The following CRPPA variants were observed in gnomAD, a reference collection of about 807,000 sequenced individuals.
CRPPA encodes the protein CDP-L-ribitol pyrophosphorylase A, also known as D-ribitol-5-phosphate cytidylyltransferase.
CRPPA carries 43 observed loss-of-function variants against 52.0 expected under a neutral mutation model. The observed-to-expected ratio is 0.83, with a 90% CI of 0.65 to 1.07. CRPPA has a LOEUF of 1.07. Among genes scored for constraint, CRPPA ranks in the 50% least tolerant of loss-of-function variants. The probability of loss-of-function intolerance (pLI) is 0.00; values close to 1 mark genes in which losing one functional copy is unlikely to be tolerated. For missense variants in CRPPA, 629 were observed against 551.7 expected (o/e 1.14, Z -1.40); for synonymous variants, 250 against 203.5 (o/e 1.23, Z -1.94).
At chr7:16,300,210 A>G (rs1337710533) in intron 5 of CRPPA, among the ~76,000 whole-genome samples, 1 of 152,246 alleles carries the variant, frequency 6.6e-6, no homozygotes, top group East Asian at 1.9e-4. Context: ...AGGGTAAACA[A>G]CAAATACATT....
chr7:16,419,102 C>T (rs1468638307), intron 1 of CRPPA, among the ~76,000 whole-genome samples: 1 of 152,156 alleles, frequency 6.6e-6, no homozygotes, highest in Non-Finnish European at 1.5e-5. Context: ...ACCCCTCTCC[C>T]CACTACCCAG....
At chr7:16,368,220 C>A (rs1342510606) in intron 3 of CRPPA, among the ~76,000 whole-genome samples, 3 of 152,134 alleles carry the variant, frequency 2.0e-5, no homozygotes, top group Admixed American at 6.6e-5. Context: ...TCCACTGGAC[C>A]AATCCGTGGG....
chr7:16,387,080 T>TAC lies in CRPPA; in HGVS notation c.535-10840_535-10839insGT, dbSNP rs1562671665. Among the ~76,000 whole-genome samples the TAC allele has an allele frequency of 9.2e-3, 333 of 36,336 alleles. 4 individuals carry two copies. The highest frequency in any genetic ancestry group is 0.033 in the African/African-American group (272 of 8,226). 23.8% of individuals were successfully genotyped at this position (36,336 alleles called of 152,430 possible). A position where few individuals can be genotyped will look rare whatever the true frequency, so the allele number is the denominator to read the frequency against. ...ATATATATATATATATATATATATA[T>TAC]ATATATACACACATATATATATGTA... On this transcript the variant is annotated intron_variant, in intron 2 of 9. Coordinates refer to ENST00000407010, the MANE Select transcript of CRPPA (RefSeq NM_001101426.4).
chr7:16,391,933 T>C (rs1787456832), intron 2 of CRPPA, among the ~76,000 whole-genome samples: 1 of 152,134 alleles, frequency 6.6e-6, no homozygotes, highest in African/African-American at 2.4e-5. Flanking sequence ...CAGCAGCATC[T>C]GAAGAAATTT....
At chr7:16,412,472 C>T (rs10269509) in intron 1 of CRPPA, among the ~76,000 whole-genome samples, 2,283 of 152,262 alleles carry the variant, frequency 0.015, 62 homozygotes, top group African/African-American at 0.051. Flanking sequence ...TATTTTAGAA[C>T]GCTCTTCAGA....
At chr7:16,379,947 T>G (rs1034600519) in intron 2 of CRPPA, among the ~76,000 whole-genome samples, 1 of 152,180 alleles carries the variant, frequency 6.6e-6, no homozygotes, top group Non-Finnish European at 1.5e-5. Flanking sequence ...AGGGACAATT[T>G]GACTTCCTCT....
chr7:16,320,878 T>C (rs996297162), intron 3 of CRPPA, among the ~76,000 whole-genome samples: 3 of 152,166 alleles, frequency 2.0e-5, no homozygotes, highest in Non-Finnish European at 4.4e-5. Context: ...AAATAAACAA[T>C]TTCAGACTAA....
At chr7:16,164,824 T>C (rs1781015803) in intron 9 of CRPPA, among the ~76,000 whole-genome samples, 1 of 152,164 alleles carries the variant, frequency 6.6e-6, no homozygotes, top group African/African-American at 2.4e-5. Flanking sequence ...TGCCCACGTA[T>C]TGCCAGCAGA....
At chr7:16,326,848 A>G (rs976626039) in intron 3 of CRPPA, among the ~76,000 whole-genome samples, 1 of 151,946 alleles carries the variant, frequency 6.6e-6, no homozygotes, top group Non-Finnish European at 1.5e-5. Context: ...ATATAATTCC[A>G]AATTGGACCA....
At chr7:16,254,838 A>G (rs1411988611) in intron 8 of CRPPA, among the ~76,000 whole-genome samples, 1 of 150,390 alleles carries the variant, frequency 6.6e-6, no homozygotes, top group Admixed American at 6.7e-5. Context: ...AGAAAGAAAG[A>G]AAGAAAGAGA....
At chr7:16,272,149 A>G (rs544659291) in intron 6 of CRPPA, among the ~76,000 whole-genome samples, 5 of 152,314 alleles carry the variant, frequency 3.3e-5, no homozygotes, top group Non-Finnish European at 7.4e-5. Flanking sequence ...TTGCTGAGAA[A>G]AACGGAGGAG....
intron 9 of CRPPA, among the ~76,000 whole-genome samples, chr7:16,140,521 T>C (rs1204952340): frequency 6.6e-6 from 1 of 152,182 alleles, no homozygotes; most frequent in African/African-American, 2.4e-5. Flanking sequence ...TACAAATTAT[T>C]ACACAGACAC....
At chr7:16,360,581 T>C (rs1786417604) in intron 3 of CRPPA, among the ~76,000 whole-genome samples, 1 of 152,150 alleles carries the variant, frequency 6.6e-6, no homozygotes, top group African/African-American at 2.4e-5. Flanking sequence ...CCCCCACATA[T>C]ATGTTCAAAT....
chr7:16,153,824 T>C (rs1783122874), intron 9 of CRPPA, among the ~76,000 whole-genome samples: 1 of 152,078 alleles, frequency 6.6e-6, no homozygotes, highest in African/African-American at 2.4e-5. Flanking sequence ...ATAAGCAGCA[T>C]TATCTTTCTA....
intron 3 of CRPPA, among the ~76,000 whole-genome samples, chr7:16,322,709 G>A (rs1432547787): frequency 6.6e-6 from 1 of 152,116 alleles, no homozygotes; most frequent in African/African-American, 2.4e-5. Flanking sequence ...TACCCCATTT[G>A]AGGGAGAGTA....
intron 8 of CRPPA, among the ~76,000 whole-genome samples, chr7:16,222,956 G>T (rs923977615): frequency 6.6e-6 from 1 of 152,158 alleles, no homozygotes; most frequent in Non-Finnish European, 1.5e-5. Context: ...AACATTTAAA[G>T]TCCTCTTTTC....
chr7:16,271,206 C>T (rs183332625), intron 6 of CRPPA, among the ~76,000 whole-genome samples: 4 of 152,184 alleles, frequency 2.6e-5, no homozygotes, highest in African/African-American at 9.6e-5. Context: ...GAGTATAGAT[C>T]AGCATTCTTT....
intron 9 of CRPPA, among the ~76,000 whole-genome samples, chr7:16,118,689 C>T (rs1314929245): frequency 3.3e-5 from 5 of 152,144 alleles, no homozygotes; most frequent in Non-Finnish European, 4.4e-5. Context: ...GCTGTGACGT[C>T]TGCAGTGTCT....
chr7:16,367,847 C>T lies in CRPPA; in HGVS notation c.684+8245G>A, dbSNP rs189068820. On this transcript the variant is annotated intron_variant, in intron 3 of 9. Transcript: ENST00000407010. The stretch of plus-strand genomic sequence containing the variant: ...CACTTAAAAAATACACCTTCTCAAT[C>T]TCCATTATAAGATTAACACTTAAAT... Among the ~76,000 whole-genome samples, 4 of 152,268 alleles carry T rather than the reference C, an allele frequency of 2.6e-5. No individual in the cohort carries two copies. In the East Asian group the frequency reaches 7.7e-4, roughly 29 times the overall value.
Sources: allele counts gnomAD v4.1 joint callset (sites outside exome capture counted in the v4.1 genomes callset), GRCh38; gene constraint gnomAD v4.1.1; transcripts MANE v1.5; gene names NCBI Gene and HGNC (gene_info 2026-07-23, HGNC 2026-07-21).